The following SEMA3E variants were observed in gnomAD, a reference collection of about 807,000 sequenced individuals.
The protein encoded by SEMA3E is semaphorin 3E, also known as semaphorin-3E.
SEMA3E carries 49 observed loss-of-function variants against 93.6 expected under a neutral mutation model. The observed-to-expected ratio is 0.52, with a 90% CI of 0.42 to 0.66. The LOEUF (loss-of-function observed/expected upper bound fraction) is 0.66. SEMA3E is among the 30% of genes least tolerant of loss of function. The pLI is 0.00. For synonymous variants in SEMA3E, 363 were observed against 330.7 expected (o/e 1.10, Z -1.06); for missense variants, 906 against 964.8 (o/e 0.94, Z 0.81).
intron 1 of SEMA3E, among the ~76,000 whole-genome samples, chr7:83,646,111 G>A (rs1008369767): frequency 3.3e-5 from 5 of 151,878 alleles, no homozygotes; most frequent in African/African-American, 9.7e-5. Flanking sequence ...GTCAGGCAGC[G>A]GTACAGAGAT....
intron 16 of SEMA3E, among the ~76,000 whole-genome samples, chr7:83,384,073 T>C (rs1787833473): frequency 6.6e-6 from 1 of 152,064 alleles, no homozygotes; most frequent in Non-Finnish European, 1.5e-5. Flanking sequence ...TTCTATATTA[T>C]TTCTAATAGC....
At chr7:83,612,766 A>C (rs1014404096) in intron 1 of SEMA3E, 6 of 152,140 alleles carry the variant, frequency 3.9e-5, no homozygotes, top group Admixed American at 3.3e-4. Context: ...CCTTGGGAAA[A>C]AGCCCTTTGG....
At chr7:83,416,723 TAAG>T (rs1051624440) in intron 5 of SEMA3E, among the ~76,000 whole-genome samples, 9 of 151,948 alleles carry the variant, frequency 5.9e-5, no homozygotes, top group African/African-American at 2.2e-4. Flanking sequence ...ACAAGAAAGA[TAAG>T]AAAGTCTCTT....
chr7:83,612,208 G>T (rs777747764), intron 1 of SEMA3E, among the ~76,000 whole-genome samples: 5 of 151,948 alleles, frequency 3.3e-5, no homozygotes, highest in Non-Finnish European at 7.4e-5. Context: ...TTTATATTCA[G>T]AGTACTACTC....
At chr7:83,389,285 G>A (rs559884699) in intron 14 of SEMA3E, among the ~76,000 whole-genome samples, 1 of 152,042 alleles carries the variant, frequency 6.6e-6, no homozygotes, top group East Asian at 1.9e-4. Context: ...CTTCTATATT[G>A]AGAACCTAAG....
chr7:83,579,942 G>A (rs1290230735), intron 1 of SEMA3E, among the ~76,000 whole-genome samples: 2 of 151,992 alleles, frequency 1.3e-5, no homozygotes, highest in Non-Finnish European at 1.5e-5. Context: ...CTGAGAGAAT[G>A]AGTCATTCTT....
At chr7:83,457,974 T>C (rs1789524006) in intron 4 of SEMA3E, among the ~76,000 whole-genome samples, 1 of 152,118 alleles carries the variant, frequency 6.6e-6, no homozygotes, top group Admixed American at 6.5e-5. Flanking sequence ...AGCCTTTAAA[T>C]GGTGTTTTGG....
intron 4 of SEMA3E, among the ~76,000 whole-genome samples, chr7:83,456,591 C>G (rs1457019479): frequency 2.2e-5 from 2 of 91,218 alleles, no homozygotes; most frequent in South Asian, 4.5e-4. Flanking sequence ...TTTAACGACT[C>G]TATTTTATTT....
At chr7:83,407,414 C>A (rs1788351201) in intron 6 of SEMA3E, among the ~76,000 whole-genome samples, 175 bp from the exon 7 acceptor site, 1 of 152,056 alleles carries the variant, frequency 6.6e-6, no homozygotes, top group African/African-American at 2.4e-5. Flanking sequence ...TTGATATCTC[C>A]ACTTTATTTG....
At chr7:83,395,952 G>A (rs781755888) in intron 12 of SEMA3E, among the ~76,000 whole-genome samples, 3 of 151,996 alleles carry the variant, frequency 2.0e-5, no homozygotes, top group Non-Finnish European at 2.9e-5. Flanking sequence ...ACATAACCCT[G>A]TATTTCCCAT....
At chr7:83,561,113 C>A (rs577675388) in intron 1 of SEMA3E, among the ~76,000 whole-genome samples, 2 of 151,850 alleles carry the variant, frequency 1.3e-5, no homozygotes, top group Admixed American at 6.6e-5. Flanking sequence ...ATTTAAAAAA[C>A]CAACAGGTTT....
intron 1 of SEMA3E, among the ~76,000 whole-genome samples, chr7:83,594,523 A>G (rs1792826838): frequency 6.6e-6 from 1 of 152,158 alleles, no homozygotes; most frequent in Non-Finnish European, 1.5e-5. Context: ...AAATAATTAT[A>G]GCGCTGTGCT....
At chr7:83,550,868 A>T (rs1425023188) in intron 1 of SEMA3E, among the ~76,000 whole-genome samples, 1 of 152,142 alleles carries the variant, frequency 6.6e-6, no homozygotes, top group Non-Finnish European at 1.5e-5. Flanking sequence ...TAGAAAAAAT[A>T]GGCAAGAAAT....
chr7:83,554,516 G>C (rs1199853113), intron 1 of SEMA3E, among the ~76,000 whole-genome samples: 1 of 138,982 alleles, frequency 7.2e-6, no homozygotes. Flanking sequence ...CAAAATTGGA[G>C]AGGAAAAGAT....
At chr7:83,485,568 CG>C (rs1219677693) in intron 2 of SEMA3E, among the ~76,000 whole-genome samples, 1 of 151,944 alleles carries the variant, frequency 6.6e-6, no homozygotes, top group East Asian at 1.9e-4. Context: ...AAGGCAATCC[CG>C]GAAGAATGCA....
intron 1 of SEMA3E, among the ~76,000 whole-genome samples, chr7:83,631,379 C>T (rs1201808395): frequency 6.6e-6 from 1 of 151,980 alleles, no homozygotes; most frequent in East Asian, 1.9e-4. Flanking sequence ...TTAAAATTTA[C>T]TTCAACTGTA....
intron 1 of SEMA3E, among the ~76,000 whole-genome samples, chr7:83,494,424 A>C: frequency 6.6e-6 from 1 of 151,904 alleles, no homozygotes; most frequent in East Asian, 1.9e-4. Context: ...TAAGGTGTAA[A>C]GTTCTACACC....
At chr7:83,494,914 G>A (rs1790458191) in intron 1 of SEMA3E, among the ~76,000 whole-genome samples, 1 of 151,904 alleles carries the variant, frequency 6.6e-6, no homozygotes, top group Non-Finnish European at 1.5e-5. Flanking sequence ...TGAATGTGTT[G>A]TGAACAATTA....
chr7:83,517,136 G>A (rs1790945207), intron 1 of SEMA3E, among the ~76,000 whole-genome samples: 1 of 152,046 alleles, frequency 6.6e-6, no homozygotes, highest in South Asian at 2.1e-4. Flanking sequence ...ATAAGCACAT[G>A]CATTTAAATT....
Sources: allele counts gnomAD v4.1 joint callset (sites outside exome capture counted in the v4.1 genomes callset), GRCh38; gene constraint gnomAD v4.1.1; transcripts MANE v1.5; gene names NCBI Gene and HGNC (gene_info 2026-07-23, HGNC 2026-07-21).